The following PTPRM variants were observed in gnomAD, a reference collection of about 807,000 sequenced individuals.
The protein encoded by PTPRM is protein tyrosine phosphatase receptor type M.
In PTPRM, 47 loss-of-function variants were observed where a neutral mutation model predicts 186.7. That is an observed-to-expected ratio of 0.25 (90% CI 0.20 to 0.32). PTPRM has a LOEUF of 0.32. Ranked by LOEUF, PTPRM falls within the 10% of genes least tolerant of loss-of-function variation. The probability of loss-of-function intolerance (pLI) is 1.00; values close to 1 mark genes in which losing one functional copy is unlikely to be tolerated. For synonymous variants in PTPRM, 668 were observed against 674.9 expected (o/e 0.99, Z 0.16); for missense variants, 1,494 against 1,865.0 (o/e 0.80, Z 3.66).
rs147695789 is a variant in PTPRM at position 8,339,483 on chromosome 18, C to G, written c.2957-3940C>G. ...TGCGGAAATCAAATGCCCTGTCTTG[C>G]AAACACATCTGTTCACACCTTGAGA... On this transcript the variant is annotated intron_variant, in intron 22 of 32. Transcript: ENST00000580170. Among the ~76,000 whole-genome samples, 66 of 152,300 alleles carry G rather than the reference C, an allele frequency of 4.3e-4. No homozygotes were observed. In the East Asian group the frequency reaches 0.012, roughly 27 times the overall value.
intron 26 of PTPRM, chr18:8,378,001 G>A (rs1046555227): frequency 9.2e-6 from 3 of 327,092 alleles, no homozygotes; most frequent in Non-Finnish European, 1.7e-5. Flanking sequence ...CAAGTGAGTA[G>A]GATCAGAATG....
intron 19 of PTPRM, among the ~76,000 whole-genome samples, chr18:8,289,468 A>C (rs2095000725): frequency 1.4e-5 from 1 of 71,114 alleles, no homozygotes; most frequent in South Asian, 4.0e-4. Flanking sequence ...ACATATATAT[A>C]CACACATATG....
chr18:8,022,821 G>A (rs886589976), intron 7 of PTPRM, among the ~76,000 whole-genome samples: 28 of 152,102 alleles, frequency 1.8e-4, no homozygotes, highest in Admixed American at 1.4e-3. Context: ...AATGCCTAAC[G>A]TTTACTGGGC....
chr18:8,355,417 A>G (rs1049447458), intron 23 of PTPRM, among the ~76,000 whole-genome samples: 2 of 152,110 alleles, frequency 1.3e-5, no homozygotes, highest in African/African-American at 4.8e-5. Context: ...CCTGGAGGGA[A>G]GCTGCAGGGA....
At chr18:8,370,335 T>C (rs2095656602) in intron 23 of PTPRM, among the ~76,000 whole-genome samples, 1 of 152,226 alleles carries the variant, frequency 6.6e-6, no homozygotes, top group Non-Finnish European at 1.5e-5. Flanking sequence ...TCAGACAATA[T>C]GGAAAGACAA....
At chr18:8,016,171 T>C (rs1258006570) in intron 7 of PTPRM, among the ~76,000 whole-genome samples, 2 of 152,142 alleles carry the variant, frequency 1.3e-5, no homozygotes, top group Non-Finnish European at 2.9e-5. Context: ...AAATGGGTGA[T>C]CAAGTTTTTG....
chr18:7,982,363 T>C (rs965907091), intron 7 of PTPRM, among the ~76,000 whole-genome samples: 2 of 150,970 alleles, frequency 1.3e-5, no homozygotes, highest in South Asian at 2.1e-4. Flanking sequence ...CTACTCTGGG[T>C]CAGGATCACT....
chr18:7,632,000 T>C (rs2038203371), intron 1 of PTPRM, among the ~76,000 whole-genome samples: 1 of 152,252 alleles, frequency 6.6e-6, no homozygotes, highest in Non-Finnish European at 1.5e-5. Flanking sequence ...TCTCAAATGC[T>C]AGTTTATCAC....
intron 7 of PTPRM, among the ~76,000 whole-genome samples, chr18:8,052,469 A>G (rs1417496445): frequency 2.0e-5 from 3 of 152,220 alleles, no homozygotes; most frequent in Non-Finnish European, 2.9e-5. Flanking sequence ...ATACAGAAAC[A>G]TGCTCTTCAG....
At chr18:8,285,288 A>G (rs1246731485) in intron 19 of PTPRM, among the ~76,000 whole-genome samples, 4 of 152,208 alleles carry the variant, frequency 2.6e-5, no homozygotes, top group African/African-American at 9.6e-5. Context: ...ACCTGTGGTC[A>G]CACAGTTAGG....
At chr18:8,361,187 A>G (rs2242148) in intron 23 of PTPRM, 35,197 of 152,010 alleles carry the variant, frequency 0.23, 4,851 homozygotes, top group Non-Finnish European at 0.31. Context: ...AGAGCCCTTT[A>G]TTTCCTCAAA....
chr18:7,735,892 T>G (rs1293521293), intron 1 of PTPRM, among the ~76,000 whole-genome samples: 1 of 152,068 alleles, frequency 6.6e-6, no homozygotes, highest in African/African-American at 2.4e-5. Flanking sequence ...AGCTGAACTC[T>G]TTTAACCAAT....
intron 7 of PTPRM, among the ~76,000 whole-genome samples, chr18:7,997,835 T>C (rs7505939): frequency 0.21 from 32,509 of 152,068 alleles, 3,613 homozygotes; most frequent in Middle Eastern, 0.37. Context: ...GAGATAACTT[T>C]TCATCACAGT....
At chr18:8,063,061 C>T (rs1224162362) in intron 7 of PTPRM, among the ~76,000 whole-genome samples, 31 of 151,210 alleles carry the variant, frequency 2.1e-4, no homozygotes, top group African/African-American at 4.2e-4. Context: ...CCCAGCCTCG[C>T]TGCCGCCTTG....
At chr18:8,272,906 T>C (rs1216332033) in intron 19 of PTPRM, among the ~76,000 whole-genome samples, 1 of 152,166 alleles carries the variant, frequency 6.6e-6, no homozygotes, top group African/African-American at 2.4e-5. Flanking sequence ...AAATACAAGT[T>C]TAGAATTGCT....
chr18:8,187,610 G>C (rs2093659727), intron 14 of PTPRM, among the ~76,000 whole-genome samples: 2 of 152,338 alleles, frequency 1.3e-5, no homozygotes, highest in South Asian at 2.1e-4. Context: ...GGCCAGTATG[G>C]CTTCAGAGAG....
In PTPRM at chr18:7,770,736, A is replaced by C. The variant is rs187240813; in HGVS notation, c.74-3413A>C. Among the ~76,000 whole-genome samples, 13 of 152,316 alleles carry C rather than the reference A, an allele frequency of 8.5e-5. No homozygotes were observed. The East Asian group carries it at 2.5e-3, about 29-fold the overall frequency. ...ACCTAAAGCTGTCCTGAAAACTGAA[A>C]GCTTAGTTGTTCTTTCTTTACTTGG... On this transcript the variant is annotated intron_variant, in intron 1 of 32. Coordinates refer to ENST00000580170, the MANE Select transcript of PTPRM (RefSeq NM_001105244.2).
At position 7,906,529 on chromosome 18, in the gene PTPRM, G is replaced by T. The variant is rs1326795151; in HGVS notation, c.493G>T (p.Gly165Ter). Residue 165 changes from glycine (G) to a stop codon, truncating the protein, a stop_gained, in exon 4 of 33, where the codon GGA (glycine) becomes TGA (stop). Transcript: ENST00000580170. LOFTEE classifies it high-confidence loss of function. ...YQVIFEVITS[G>*]HQGYLAIDEV... ...GGTGATTTTTGAAGTGATAACTTCTGGACATCAAGGCTATCTCGCTATCGA... is the reference window on the plus strand; with the variant it reads ...GGTGATTTTTGAAGTGATAACTTCTTGACATCAAGGCTATCTCGCTATCGA... 6.2e-7 allele frequency: 1 copy of T among 1,613,174 alleles called. No individual in the cohort carries two copies. Among genetic ancestry groups the T allele is most frequent in the Admixed American group, 1.7e-5 (1 of 60,030 alleles).
At chr18:7,703,489 A>G (rs1195928802) in intron 1 of PTPRM, among the ~76,000 whole-genome samples, 1 of 152,188 alleles carries the variant, frequency 6.6e-6, no homozygotes, top group Admixed American at 6.5e-5. Context: ...TTATTGGTGT[A>G]TAGAAATGCT....
Sources: allele counts gnomAD v4.1 joint callset (sites outside exome capture counted in the v4.1 genomes callset), GRCh38; gene constraint gnomAD v4.1.1; transcripts MANE v1.5; gene names NCBI Gene and HGNC (gene_info 2026-07-23, HGNC 2026-07-21).